The following LDLRAD3 variants were observed in gnomAD, a reference collection of about 807,000 sequenced individuals.
The protein encoded by LDLRAD3 is low density lipoprotein receptor class A domain containing 3, also known as low-density lipoprotein receptor class A domain-containing protein 3.
In LDLRAD3, 20 loss-of-function variants were observed where a neutral mutation model predicts 29.4. The ratio of observed to expected loss-of-function variants is 0.68; its 90% confidence interval spans 0.48 to 0.99. LDLRAD3 has a LOEUF of 0.99. Ranked by LOEUF, LDLRAD3 falls within the 50% of genes least tolerant of loss-of-function variation. The probability of loss-of-function intolerance (pLI) is 0.00; values close to 1 mark genes in which losing one functional copy is unlikely to be tolerated. For synonymous variants in LDLRAD3, 157 were observed against 192.7 expected, an observed-to-expected ratio of 0.81 and a Z score of 1.53; for missense variants, 420 against 454.3, an observed-to-expected ratio of 0.92 and a Z score of 0.69.
intron 4 of LDLRAD3, among the ~76,000 whole-genome samples, chr11:36,175,015 G>T (rs533245635): frequency 1.3e-5 from 2 of 151,738 alleles, no homozygotes; most frequent in Admixed American, 1.3e-4. Context: ...AAAGAATGGC[G>T]ATCATTAAAA....
rs35284474 is a variant in LDLRAD3, at chr11:36,067,284, TG to T, written c.194-14366del. ...TGTCTGAAATGATAATAATAATAAA[TG>T]GGAATAGTAATAATAGCTAATACTG... On this transcript the variant is annotated intron_variant, in intron 2 of 5. Coordinates refer to ENST00000315571, the MANE Select transcript of LDLRAD3 (RefSeq NM_174902.4). Among the ~76,000 whole-genome samples, 423 of 152,268 alleles carry T rather than the reference TG, an allele frequency of 2.8e-3. 1 individual carries two copies. The highest frequency in any genetic ancestry group is 9.9e-3 in the African/African-American group (410 of 41,536).
rs554324842 is a variant in LDLRAD3, at chr11:36,210,893, G to T, written c.455-16192G>T. On this transcript the variant is annotated intron_variant, in intron 4 of 5. Coordinates refer to ENST00000315571, the MANE Select transcript of LDLRAD3 (RefSeq NM_174902.4). ...GCAAAAGAGCTAATGGAGGGATAGC[G>T]GGAGAGGGGTGTGCTTGATTTCTTC... is the stretch of plus-strand genomic sequence containing the variant. Among the ~76,000 whole-genome samples the T allele has an allele frequency of 4.6e-5, 7 of 152,344 alleles. No individual in the cohort carries two copies. The East Asian group carries it at 1.3e-3, about 29-fold the overall frequency.
At position 36,229,166 on chromosome 11, in the gene LDLRAD3, G is replaced by A. The variant is rs760761455; in HGVS notation, c.807G>A (p.Ala269=). 2.2e-4 allele frequency: 351 copies of A among 1,613,286 alleles called. No homozygotes were observed. Among genetic ancestry groups the A allele is most frequent in the South Asian group, 6.6e-4 (60 of 91,056 alleles). Residue 269 remains alanine (A), a synonymous_variant, in exon 6 of 6, where the codon GCG becomes GCA. Coordinates refer to ENST00000315571, the MANE Select transcript of LDLRAD3 (RefSeq NM_174902.4). ...YSEALLDQRP[A]WYDLPPPPYS... is the part of the protein sequence containing the mutation. ...CCTGCTGTCCCCATCACAGGCCTGCGTGGTATGACCTTCCTCCACCGCCCT... is the reference window on the plus strand; with the variant it reads ...CCTGCTGTCCCCATCACAGGCCTGCATGGTATGACCTTCCTCCACCGCCCT...
intron 4 of LDLRAD3, among the ~76,000 whole-genome samples, chr11:36,176,076 T>C (rs1854671321): frequency 6.6e-6 from 1 of 152,234 alleles, no homozygotes; most frequent in African/African-American, 2.4e-5. Flanking sequence ...TTGTCTTTTT[T>C]AACTATTGTT....
At chr11:36,045,106 T>C (rs11033386) in intron 2 of LDLRAD3, among the ~76,000 whole-genome samples, 13,516 of 152,276 alleles carry the variant, frequency 0.089, 727 homozygotes, top group East Asian at 0.21. Flanking sequence ...CTTTGTGCCT[T>C]GTGGCCTATC....
chr11:36,065,931 C>T (rs893699891), intron 2 of LDLRAD3, among the ~76,000 whole-genome samples: 3 of 152,170 alleles, frequency 2.0e-5, no homozygotes, highest in Admixed American at 6.5e-5. Context: ...AGTCCGAAGG[C>T]AAAGAATATG....
At chr11:36,164,204 A>C (rs1052741348) in intron 4 of LDLRAD3, among the ~76,000 whole-genome samples, 1 of 152,216 alleles carries the variant, frequency 6.6e-6, no homozygotes, top group African/African-American at 2.4e-5. Context: ...CATGGTGATG[A>C]AAATTGTTAA....
chr11:36,130,276 G>A (rs1289514765), intron 4 of LDLRAD3, among the ~76,000 whole-genome samples: 2 of 152,264 alleles, frequency 1.3e-5, no homozygotes, highest in African/African-American at 2.4e-5. Context: ...GAGTCTTCCC[G>A]GTGGAGGGAG....
rs541389715 is a variant in LDLRAD3 at position 36,116,221 on chromosome 11, G to A, written c.454+17760G>A. ...ACCAGCCCAAGCCATTCCATCTTTC[G>A]AAAAACACCAAATTGAAGAACCAGA... On this transcript the variant is annotated intron_variant, in intron 4 of 5. Coordinates refer to ENST00000315571, the MANE Select transcript of LDLRAD3 (RefSeq NM_174902.4). Among the ~76,000 whole-genome samples the A allele has an allele frequency of 9.9e-5, 15 of 152,244 alleles. No individual in the cohort carries two copies. The East Asian group carries it at 1.4e-3, about 14-fold the overall frequency.
chr11:36,100,024 G>A (rs1023685546), intron 4 of LDLRAD3, among the ~76,000 whole-genome samples: 8 of 152,122 alleles, frequency 5.3e-5, no homozygotes, highest in Non-Finnish European at 8.8e-5. Flanking sequence ...AAATGCAGTT[G>A]TTCAGGCGCC....
At chr11:36,010,997 G>T (rs1046755017) in intron 1 of LDLRAD3, among the ~76,000 whole-genome samples, 32 of 152,056 alleles carry the variant, frequency 2.1e-4, no homozygotes, top group African/African-American at 7.7e-4. Context: ...TAGAGGTGGG[G>T]TTTCTCCATG....
At chr11:36,024,024 C>G (rs2133200053) in intron 1 of LDLRAD3, among the ~76,000 whole-genome samples, 1 of 152,268 alleles carries the variant, frequency 6.6e-6, no homozygotes, top group East Asian at 1.9e-4. Flanking sequence ...AACCTGGTGT[C>G]TGGCCCCACA....
intron 4 of LDLRAD3, among the ~76,000 whole-genome samples, chr11:36,131,409 A>T (rs181638933): frequency 7.2e-5 from 11 of 152,320 alleles, no homozygotes; most frequent in African/African-American, 2.6e-4. Context: ...GAACAGAGGT[A>T]TGAGCTGCCT....
At chr11:35,968,828 C>A (rs1464955651) in intron 1 of LDLRAD3, among the ~76,000 whole-genome samples, 1 of 152,180 alleles carries the variant, frequency 6.6e-6, no homozygotes, top group Non-Finnish European at 1.5e-5. Context: ...AATTATTTAA[C>A]CTGGCAGGTT....
chr11:36,202,139 G>A (rs953331185), intron 4 of LDLRAD3, among the ~76,000 whole-genome samples: 9 of 150,724 alleles, frequency 6.0e-5, no homozygotes, highest in African/African-American at 1.7e-4. Context: ...CCACCTCCCA[G>A]GTTCAAGCAA....
chr11:36,140,992 TTCTCTCTCTCTCTCTCTCTCTCTCTC>T (rs557939353), intron 4 of LDLRAD3, among the ~76,000 whole-genome samples: 1 of 109,996 alleles, frequency 9.1e-6, no homozygotes, highest in Non-Finnish European at 1.9e-5. Flanking sequence ...CTGTTGAGCT[TTCTCTCTCTCTCTCTCTCTCTCTCTC>T]TCTCTCTCTC....
At chr11:35,953,868 G>A (rs1040989767) in intron 1 of LDLRAD3, among the ~76,000 whole-genome samples, 15 of 152,110 alleles carry the variant, frequency 9.9e-5, no homozygotes, top group African/African-American at 2.7e-4. Context: ...AAAAACATTG[G>A]CATAAGCTTG....
At position 35,960,619 on chromosome 11, in the gene LDLRAD3, CAG is replaced by C. The variant is rs1255432147; in HGVS notation, c.46+16478_46+16479del. Reference sequence around the variant, plus strand: ...TTGTTTTGTTTGTTTATTTTTGAGACAGAGTCTCGCTCTGTCGCCCAGGCTGG... The same window carrying C: ...TTGTTTTGTTTGTTTATTTTTGAGACAGTCTCGCTCTGTCGCCCAGGCTGG... On this transcript the variant is annotated intron_variant, in intron 1 of 5. Coordinates refer to ENST00000315571, the MANE Select transcript of LDLRAD3 (RefSeq NM_174902.4). Among the ~76,000 whole-genome samples the C allele has an allele frequency of 2.6e-5, 4 of 152,106 alleles. No homozygotes were observed. In the East Asian group the frequency reaches 7.7e-4, roughly 29 times the overall value.
chr11:36,068,224 A>G (rs1410993207), intron 2 of LDLRAD3, among the ~76,000 whole-genome samples: 2 of 152,162 alleles, frequency 1.3e-5, no homozygotes, highest in Non-Finnish European at 2.9e-5. Context: ...CTGTCTAAAC[A>G]TTACATTGAT....
Sources: allele counts gnomAD v4.1 joint callset (sites outside exome capture counted in the v4.1 genomes callset), GRCh38; gene constraint gnomAD v4.1.1; transcripts MANE v1.5; gene names NCBI Gene and HGNC (gene_info 2026-07-23, HGNC 2026-07-21).